The following VTA1 variants were observed in gnomAD, a reference collection of about 807,000 sequenced individuals.
VTA1 encodes the protein vacuolar protein sorting-associated protein VTA1 homolog.
In VTA1, 24 loss-of-function variants were observed where a neutral mutation model predicts 36.9. The ratio of observed to expected loss-of-function variants is 0.65; its 90% CI spans 0.47 to 0.91. VTA1 has a LOEUF of 0.91. Among genes scored for constraint, VTA1 ranks in the 40% least tolerant of loss-of-function variants. The pLI is 0.00. For synonymous variants in VTA1, 142 were observed against 130.2 expected, an observed-to-expected ratio of 1.09 and a Z score of -0.62; for missense variants, 393 against 377.2, an observed-to-expected ratio of 1.04 and a Z score of -0.35.
At chr6:142,151,301 A>C (rs927431855) in intron 1 of VTA1, among the ~76,000 whole-genome samples, 1 of 152,182 alleles carries the variant, frequency 6.6e-6, no homozygotes, top group African/African-American at 2.4e-5. Context: ...TGTTAAGGGT[A>C]ATGCCTTATG....
At chr6:142,183,992 C>T (rs928287367) in intron 4 of VTA1, among the ~76,000 whole-genome samples, 20 of 152,178 alleles carry the variant, frequency 1.3e-4, no homozygotes, top group Admixed American at 1.1e-3. Context: ...CTTCTAAAGT[C>T]ATTACAACTT....
At chr6:142,209,533 A>C (rs1033787451) in intron 7 of VTA1, among the ~76,000 whole-genome samples, 24 of 150,852 alleles carry the variant, frequency 1.6e-4, no homozygotes, top group African/African-American at 5.8e-4. Context: ...ATTCCATTGT[A>C]TATATACACT....
chr6:142,210,332 A>G (rs759697829), intron 7 of VTA1, among the ~76,000 whole-genome samples: 1 of 152,218 alleles, frequency 6.6e-6, no homozygotes, highest in Non-Finnish European at 1.5e-5. Context: ...ATAGAAGAAA[A>G]CATTAGAGAA....
At chr6:142,203,297 G>A (rs534854842) in intron 6 of VTA1, among the ~76,000 whole-genome samples, 2 of 152,160 alleles carry the variant, frequency 1.3e-5, no homozygotes, top group Admixed American at 6.5e-5. Context: ...TTGAGAGACT[G>A]TTTAACTCCA....
At chr6:142,197,634 CAG>C (rs1775578669) in intron 5 of VTA1, among the ~76,000 whole-genome samples, 4 of 152,146 alleles carry the variant, frequency 2.6e-5, no homozygotes, top group Admixed American at 1.3e-4. Flanking sequence ...GAACAACTCA[CAG>C]ATAATCATTT....
chr6:142,148,135 C>G (rs1778492604), intron 1 of VTA1, among the ~76,000 whole-genome samples: 2 of 152,038 alleles, frequency 1.3e-5, no homozygotes, highest in African/African-American at 4.8e-5. Context: ...ATTCTGTACT[C>G]TTAACTTTAC....
At chr6:142,181,008 C>T (rs1249787005) in intron 4 of VTA1, among the ~76,000 whole-genome samples, 1 of 144,530 alleles carries the variant, frequency 6.9e-6, no homozygotes, top group Non-Finnish European at 1.5e-5. Flanking sequence ...TTGAGATTGT[C>T]CTAGATTTTG....
intron 2 of VTA1, among the ~76,000 whole-genome samples, chr6:142,167,314 G>GC: frequency 6.6e-6 from 1 of 152,252 alleles, no homozygotes; most frequent in Admixed American, 6.5e-5. Flanking sequence ...CCTGGACCCA[G>GC]CCATACCTGG....
At chr6:142,187,627 T>C (rs1775364301) in intron 4 of VTA1, among the ~76,000 whole-genome samples, 1 of 152,234 alleles carries the variant, frequency 6.6e-6, no homozygotes, top group African/African-American at 2.4e-5. Flanking sequence ...GATACTTCTG[T>C]TGGAAAGCTC....
At chr6:142,177,432 TC>T (rs1775146578) in intron 4 of VTA1, among the ~76,000 whole-genome samples, 1 of 152,148 alleles carries the variant, frequency 6.6e-6, no homozygotes, top group Non-Finnish European at 1.5e-5. Context: ...GTCATGGAGA[TC>T]AAGTGAGGAA....
rs181709316 is a variant in VTA1, at chr6:142,223,419, C to T, written c.*4776C>T. ...TAAATAACATCACTGTCTTTCCTAA[C>T]TAAAAATTCTTCATCTTCAGGAAAT... On this transcript the variant is annotated 3_prime_UTR_variant, in exon 8 of 8. Coordinates refer to ENST00000367630, the MANE Select transcript of VTA1 (RefSeq NM_016485.5). The T allele has an allele frequency of 5.0e-4, 76 of 152,256 alleles. No individual in the cohort carries two copies. The highest frequency in any genetic ancestry group is 9.2e-4 in the Admixed American group (14 of 15,298). 9.4% of individuals were successfully genotyped at this position (152,256 alleles called of 1,614,324 possible).
chr6:142,209,616 AAAATAC>A (rs1347217987), intron 7 of VTA1, among the ~76,000 whole-genome samples: 14 of 151,136 alleles, frequency 9.3e-5, no homozygotes, highest in African/African-American at 3.4e-4. Flanking sequence ...TGTAATACAA[AAAATAC>A]AAATACAAAA....
At chr6:142,159,764 C>T (rs1582877438) in intron 1 of VTA1, among the ~76,000 whole-genome samples, 1 of 151,868 alleles carries the variant, frequency 6.6e-6, no homozygotes, top group Non-Finnish European at 1.5e-5. Context: ...CCACCCACCT[C>T]GGCCTCCCAA....
chr6:142,192,728 G>GTGTA (rs890165362), intron 5 of VTA1, among the ~76,000 whole-genome samples: 1 of 143,642 alleles, frequency 7.0e-6, no homozygotes, highest in African/African-American at 2.6e-5. Flanking sequence ...GTGTGTGTGT[G>GTGTA]TAAAATTTCA....
chr6:142,169,401 CA>C, intron 2 of VTA1, 148 bp from the exon 3 acceptor site: 2 of 844,934 alleles, frequency 2.4e-6, no homozygotes, highest in Non-Finnish European at 3.6e-6. Context: ...TGAGGCATAG[CA>C]GCTCTTTTTG....
At chr6:142,218,432 T>G in intron 7 of VTA1, 66 bp from the exon 8 acceptor site, 1 of 1,545,438 alleles carries the variant, frequency 6.5e-7, no homozygotes, top group Non-Finnish European at 8.8e-7. Flanking sequence ...AGCATAAGCA[T>G]TTGCCCAACC....
chr6:142,195,055 C>T (rs1424425053), intron 5 of VTA1, among the ~76,000 whole-genome samples: 1 of 152,096 alleles, frequency 6.6e-6, no homozygotes, highest in African/African-American at 2.4e-5. Context: ...TGTGTGTCTA[C>T]ATTTCAGTAT....
chr6:142,164,216 T>C (rs921996033), intron 1 of VTA1, among the ~76,000 whole-genome samples: 3 of 152,146 alleles, frequency 2.0e-5, no homozygotes, highest in Admixed American at 1.3e-4. Context: ...AAGAGCATAT[T>C]AAGATTTATA....
At chr6:142,189,151 A>G (rs17071520) in intron 4 of VTA1, among the ~76,000 whole-genome samples, 2,947 of 152,272 alleles carry the variant, frequency 0.019, 39 homozygotes, top group Non-Finnish European at 0.03. Flanking sequence ...TGCTGGAAGG[A>G]CACTCCTGTT....
Sources: allele counts gnomAD v4.1 joint callset (sites outside exome capture counted in the v4.1 genomes callset), GRCh38; gene constraint gnomAD v4.1.1; transcripts MANE v1.5; gene names NCBI Gene and HGNC (gene_info 2026-07-23, HGNC 2026-07-21).